The following SLC29A3 variants were observed in gnomAD, a reference collection of about 807,000 sequenced individuals.
SLC29A3 encodes the protein equilibrative nucleoside transporter 3.
A neutral mutation model predicts 25.4 loss-of-function variants in SLC29A3; 18 were observed. That is an observed-to-expected ratio of 0.71 (90% CI 0.49 to 1.05). The LOEUF is 1.05. Among genes scored for constraint, SLC29A3 ranks in the 50% least tolerant of loss-of-function variants. SLC29A3 has a pLI of 0.00. For synonymous variants in SLC29A3, 258 were observed against 267.1 expected, an observed-to-expected ratio of 0.97 and a Z score of 0.33; for missense variants, 586 against 609.0, an observed-to-expected ratio of 0.96 and a Z score of 0.40.
At chr10:71,344,148 G>A (rs1208069865) in intron 2 of SLC29A3, 61 bp from the exon 3 acceptor site, 28 of 1,337,948 alleles carry the variant, frequency 2.1e-5, no homozygotes, top group Non-Finnish European at 2.5e-5. Flanking sequence ...CTCTGCTCGC[G>A]TGGAACTGCT....
chr10:71,377,297 C>T (rs535946040), intron 4 of SLC29A3, among the ~76,000 whole-genome samples: 25 of 152,342 alleles, frequency 1.6e-4, no homozygotes, highest in South Asian at 1.4e-3. Flanking sequence ...ACGCCCACGG[C>T]AGTGACACAC....
intron 2 of SLC29A3, among the ~76,000 whole-genome samples, chr10:71,343,265 C>T (rs1434193795): frequency 6.6e-6 from 1 of 152,136 alleles, no homozygotes. Context: ...CATGCCCAGC[C>T]TTGTTTTGTT....
At chr10:71,371,018 C>T (rs1005186768) in intron 3 of SLC29A3, among the ~76,000 whole-genome samples, 2 of 151,890 alleles carry the variant, frequency 1.3e-5, no homozygotes, top group South Asian at 2.1e-4. Context: ...TGAGCTCAAA[C>T]GATCTACTCA....
chr10:71,344,388 G>C, intron 3 of SLC29A3, 97 bp downstream of exon 3: 3 of 924,270 alleles, frequency 3.2e-6, no homozygotes, highest in Non-Finnish European at 3.5e-6. Flanking sequence ...GCCTACTTAA[G>C]TGGTGGTCAC....
chr10:71,357,253 A>C (rs190285151), intron 5 of SLC29A3, among the ~76,000 whole-genome samples: 2 of 152,234 alleles, frequency 1.3e-5, no homozygotes, highest in East Asian at 3.9e-4. Flanking sequence ...ATCTCTACTA[A>C]AAATACAAAA....
chr10:71,359,204 T>C (rs1371256540), intron 5 of SLC29A3, among the ~76,000 whole-genome samples: 1 of 152,198 alleles, frequency 6.6e-6, no homozygotes, highest in Non-Finnish European at 1.5e-5. Context: ...CGAGCCACTG[T>C]GCCTGGACCG....
At chr10:71,358,511 TC>T (rs113967625) in intron 5 of SLC29A3, among the ~76,000 whole-genome samples, 8,904 of 152,238 alleles carry the variant, frequency 0.058, 764 homozygotes, top group African/African-American at 0.18. Context: ...CAGGCTGACG[TC>T]CCCGTGCTTC....
At chr10:71,354,024 A>G (rs1846831274) in intron 4 of SLC29A3, among the ~76,000 whole-genome samples, 1 of 152,128 alleles carries the variant, frequency 6.6e-6, no homozygotes, top group African/African-American at 2.4e-5. Context: ...TTCTTGCAAA[A>G]TGTCTAGGCG....
intron 2 of SLC29A3, among the ~76,000 whole-genome samples, chr10:71,329,443 G>A (rs2012500): frequency 1.4e-5 from 2 of 144,502 alleles, no homozygotes; most frequent in Non-Finnish European, 3.0e-5. Flanking sequence ...GGGCAACAGA[G>A]CAAGACTCTG....
In SLC29A3 at chr10:71,363,325, T is replaced by TC. The variant is rs761582594; in HGVS notation, c.*719dup. ...GGTCAAGATGAGGGTCTTTCAGTGT[T>TC]CCTGTTTACAACATGTCAAAGCCAT... On this transcript the variant is annotated 3_prime_UTR_variant, in exon 6 of 6. Transcript: ENST00000373189. The TC allele has an allele frequency of 4.4e-6, 2 of 454,134 alleles. No homozygotes were observed. Among genetic ancestry groups the TC allele is most frequent in the South Asian group, 3.1e-5 (2 of 64,470 alleles). 28.1% of individuals were successfully genotyped at this position (454,134 alleles called of 1,614,324 possible).
chr10:71,361,832 G>T, intron 5 of SLC29A3, 122 bp from the exon 6 acceptor site: 1 of 1,121,798 alleles, frequency 8.9e-7, no homozygotes, highest in Non-Finnish European at 1.3e-6. Context: ...GGAGCTGTGG[G>T]CATACGGGGC....
chr10:71,360,801 AG>A (rs1265661815), intron 5 of SLC29A3, among the ~76,000 whole-genome samples: 2 of 152,360 alleles, frequency 1.3e-5, no homozygotes, highest in East Asian at 3.9e-4. Flanking sequence ...CCATCAGTAG[AG>A]GAGCAGTTAA....
chr10:71,366,889 T>A (rs1847174817), downstream of SLC29A3, among the ~76,000 whole-genome samples: 1 of 152,230 alleles, frequency 6.6e-6, no homozygotes, highest in Admixed American at 6.5e-5. Context: ...ACTTCCTTGG[T>A]GGCAGCATTG....
chr10:71,374,923 C>T (rs1238649382), intron 3 of SLC29A3, among the ~76,000 whole-genome samples: 1 of 152,154 alleles, frequency 6.6e-6, no homozygotes, highest in Non-Finnish European at 1.5e-5. Context: ...AATAGCTGCT[C>T]CCCGCTTGCT....
intron 4 of SLC29A3, among the ~76,000 whole-genome samples, chr10:71,379,244 G>A (rs202127573): frequency 6.6e-6 from 1 of 152,224 alleles, no homozygotes; most frequent in Non-Finnish European, 1.5e-5. Context: ...TCTCAGAGCA[G>A]GCAAGCGTTA....
Position 71,363,349 on chromosome 10 carries a change from A to G in SLC29A3, c.*741A>G, listed in dbSNP as rs1184628602. ...TTCCTGTTTACAACATGTCAAAGCC[A>G]TTGGTTCAAGGGCGTAATAAATACT... On this transcript the variant is annotated 3_prime_UTR_variant, in exon 6 of 6. Transcript: ENST00000373189. 4.4e-6 allele frequency: 2 copies of G among 454,138 alleles called. No individual in the cohort carries two copies. The highest frequency in any genetic ancestry group is 6.9e-4 in the Middle Eastern group (1 of 1,444). The allele number at this position is 454,138 out of a possible 1,614,324, so 28.1% of individuals were successfully genotyped here. A position where few individuals can be genotyped will look rare whatever the true frequency, so the allele number is the denominator to read the frequency against.
intron 3 of SLC29A3, among the ~76,000 whole-genome samples, chr10:71,348,113 AC>A (rs1039382714): frequency 2.6e-5 from 4 of 152,164 alleles, no homozygotes; most frequent in Admixed American, 1.3e-4. Flanking sequence ...AAACCTCCCC[AC>A]CCCCGGGTGC....
chr10:71,362,352 C>A lies in SLC29A3; in HGVS notation c.1172C>A (p.Pro391His), dbSNP rs755318499. The A allele has an allele frequency of 3.7e-6, 6 of 1,614,068 alleles. No individual in the cohort carries two copies. The highest frequency in any genetic ancestry group is 1.3e-5 in the African/African-American group (1 of 74,918). Residue 391 changes from proline to histidine, a missense_variant, in exon 6 of 6, where the codon CCC becomes CAC. Coordinates refer to ENST00000373189, the MANE Select transcript of SLC29A3 (RefSeq NM_018344.6). ...GFVLLRTCLI[P>H]LFVLCNYQPR... Reference sequence around the variant, plus strand: ...GTGCTCCTCCGGACCTGCCTCATCCCCCTCTTCGTGCTCTGTAACTACCAG... The same window carrying A: ...GTGCTCCTCCGGACCTGCCTCATCCACCTCTTCGTGCTCTGTAACTACCAG...
intron 2 of SLC29A3, among the ~76,000 whole-genome samples, chr10:71,328,528 T>G (rs890610843): frequency 6.6e-6 from 1 of 152,182 alleles, no homozygotes; most frequent in Non-Finnish European, 1.5e-5. Context: ...CCATGACAGA[T>G]GAGGAGGCCT....
Sources: gnomAD v4.1 joint callset for allele counts (sites outside exome capture counted in the v4.1 genomes callset) on GRCh38, gnomAD v4.1.1 for gene constraint, MANE v1.5 for transcripts, NCBI Gene and HGNC (gene_info 2026-07-23, HGNC 2026-07-21) for gene names.